Variants in NAV3 observed in about 807,000 individuals in gnomAD.
The protein encoded by NAV3 is pore membrane and/or filament interacting like protein 1.
NAV3 carries 87 observed loss-of-function variants against 244.7 expected under a neutral mutation model. That is an observed-to-expected ratio of 0.36 (90% CI 0.30 to 0.42). The LOEUF (loss-of-function observed/expected upper bound fraction) is 0.42, where lower values mean the gene tolerates loss of function less well. Among genes scored for constraint, NAV3 ranks in the 20% least tolerant of loss-of-function variants. The pLI is 1.00. For missense variants in NAV3, 2,663 were observed against 2,893.3 expected (o/e 0.92, Z 1.83); for synonymous variants, 1,126 against 1,042.2 (o/e 1.08, Z -1.55).
chr12:77,759,203 A>AT (rs552444818), intron 2 of NAV3, among the ~76,000 whole-genome samples: 1 of 152,180 alleles, frequency 6.6e-6, no homozygotes, highest in Non-Finnish European at 1.5e-5. Context: ...TTTAATTTAC[A>AT]TTTTTTATTA....
chr12:77,682,456 A>G (rs752189986), intron 2 of NAV3, among the ~76,000 whole-genome samples: 2 of 152,168 alleles, frequency 1.3e-5, no homozygotes, highest in Non-Finnish European at 2.9e-5. Flanking sequence ...TAATGCTGCA[A>G]TGGACATGGG....
At chr12:77,841,279 A>G (rs1037376851) in intron 1 of NAV3, among the ~76,000 whole-genome samples, 2 of 152,232 alleles carry the variant, frequency 1.3e-5, no homozygotes, top group African/African-American at 4.8e-5. Flanking sequence ...AAAAGCAAAA[A>G]CAAATAAATA....
Position 77,754,040 on chromosome 12 carries a change from A to G in NAV3, c.72+181774A>G, listed in dbSNP as rs1462462838. On this transcript the variant is annotated intron_variant, in intron 2 of 8. Transcript: ENST00000550042. The stretch of plus-strand genomic sequence containing the variant: ...AGGTATGCCCAAGTTTGTTTCAGAA[A>G]TAATTAATACTTTTAAATTATGAAT... Among the ~76,000 whole-genome samples, 3 of 152,172 alleles carry G rather than the reference A, an allele frequency of 2.0e-5. No individual in the cohort carries two copies. The East Asian group carries it at 5.8e-4, about 29-fold the overall frequency.
chr12:78,069,739 T>C (rs1478180657), intron 12 of NAV3, among the ~76,000 whole-genome samples: 3 of 152,040 alleles, frequency 2.0e-5, no homozygotes, highest in African/African-American at 7.2e-5. Context: ...GAATTTGTTT[T>C]CTAAAAAGAT....
chr12:78,138,026 T>A (rs564257559), intron 19 of NAV3, among the ~76,000 whole-genome samples: 1 of 152,272 alleles, frequency 6.6e-6, no homozygotes, highest in South Asian at 2.1e-4. Flanking sequence ...TTAACAATAA[T>A]TTGAGAGACT....
intron 9 of NAV3, among the ~76,000 whole-genome samples, chr12:78,030,589 A>G (rs915739350): frequency 2.0e-5 from 3 of 152,192 alleles, no homozygotes; most frequent in African/African-American, 7.2e-5. Context: ...GAGGTATGGT[A>G]TTATTCCTCC....
At chr12:77,992,809 A>G (rs1486867682) in intron 5 of NAV3, among the ~76,000 whole-genome samples, 1 of 152,186 alleles carries the variant, frequency 6.6e-6, no homozygotes, top group African/African-American at 2.4e-5. Flanking sequence ...ATGGTGAACT[A>G]ATTGGGTCAG....
intron 2 of NAV3, among the ~76,000 whole-genome samples, chr12:77,641,692 A>G (rs1030995191): frequency 6.6e-6 from 1 of 152,072 alleles, no homozygotes; most frequent in Non-Finnish European, 1.5e-5. Flanking sequence ...AATACATAAC[A>G]AGAGGTATTT....
intron 2 of NAV3, among the ~76,000 whole-genome samples, chr12:77,825,862 G>A (rs1022076111): frequency 1.3e-5 from 2 of 152,100 alleles, no homozygotes; most frequent in African/African-American, 2.4e-5. Flanking sequence ...AACAAAAAGT[G>A]GGCAAGAGTT....
intron 2 of NAV3, among the ~76,000 whole-genome samples, chr12:77,740,006 A>C (rs1460279081): frequency 4.6e-5 from 7 of 152,252 alleles, no homozygotes. Context: ...ATTTATGTGA[A>C]TTAGAATAAT....
chr12:77,734,499 T>C lies in NAV3; in HGVS notation c.72+162233T>C, dbSNP rs911894048. On this transcript the variant is annotated intron_variant, in intron 2 of 8. Coordinates refer to the NAV3 transcript ENST00000550042. ...TGAAACTAAATTTTGAAGCATTGGC[T>C]GATGACCCTTATAGAAGTTAGACAA... 2.0e-5 allele frequency among the ~76,000 whole-genome samples: 3 copies of C among 152,134 alleles called. No homozygotes were observed. The South Asian group carries it at 6.2e-4, about 31-fold the overall frequency.
At chr12:77,877,298 GAA>G (rs1881978075) in intron 1 of NAV3, among the ~76,000 whole-genome samples, 1 of 151,882 alleles carries the variant, frequency 6.6e-6, no homozygotes, top group African/African-American at 2.4e-5. Context: ...TAAAATAATA[GAA>G]GTTTTAAATT....
chr12:77,768,152 A>G (rs1328740622), intron 2 of NAV3, among the ~76,000 whole-genome samples: 1 of 152,102 alleles, frequency 6.6e-6, no homozygotes, highest in Non-Finnish European at 1.5e-5. Context: ...TGGGGTTTTT[A>G]TGGGCTTCAG....
intron 1 of NAV3, among the ~76,000 whole-genome samples, chr12:77,886,766 C>T (rs1883341313): frequency 1.3e-5 from 2 of 152,040 alleles, no homozygotes; most frequent in Non-Finnish European, 2.9e-5. Context: ...ATATCTAGAA[C>T]AGTGCCTATC....
intron 34 of NAV3, among the ~76,000 whole-genome samples, chr12:78,191,512 G>A (rs1958980840): frequency 6.6e-6 from 1 of 152,020 alleles, no homozygotes; most frequent in African/African-American, 2.4e-5. Flanking sequence ...CAAAAACAAC[G>A]ATGTACATAA....
intron 12 of NAV3, among the ~76,000 whole-genome samples, chr12:78,111,456 T>A (rs1417677563): frequency 6.6e-6 from 1 of 152,118 alleles, no homozygotes; most frequent in Non-Finnish European, 1.5e-5. Flanking sequence ...GTCAAAGGAT[T>A]TGAACATACA....
intron 2 of NAV3, among the ~76,000 whole-genome samples, chr12:77,810,334 G>A (rs1463949492): frequency 1.3e-5 from 2 of 152,078 alleles, no homozygotes; most frequent in Admixed American, 1.3e-4. Flanking sequence ...ACCACGCCGG[G>A]CTAATTTTTT....
chr12:77,852,069 A>G (rs1386421648), intron 1 of NAV3, among the ~76,000 whole-genome samples: 1 of 152,242 alleles, frequency 6.6e-6, no homozygotes, highest in Non-Finnish European at 1.5e-5. Flanking sequence ...AATAGCAGAA[A>G]TTGAACAACA....
At chr12:77,959,190 C>A (rs1891643107) in intron 3 of NAV3, among the ~76,000 whole-genome samples, 1 of 152,090 alleles carries the variant, frequency 6.6e-6, no homozygotes, top group Non-Finnish European at 1.5e-5. Context: ...GAATCACCTG[C>A]AGATTTGTAA....
Sources: allele counts gnomAD v4.1 joint callset (sites outside exome capture counted in the v4.1 genomes callset), GRCh38; gene constraint gnomAD v4.1.1; transcripts MANE v1.5; gene names NCBI Gene and HGNC (gene_info 2026-07-23, HGNC 2026-07-21).